Variants in FEM1B observed in about 807,000 individuals in gnomAD.
The protein encoded by FEM1B is protein fem-1 homolog B.
In FEM1B, 10 loss-of-function variants were observed where a neutral mutation model predicts 38.6. The observed-to-expected ratio is 0.26, with a 90% CI of 0.16 to 0.44. The LOEUF (loss-of-function observed/expected upper bound fraction) is 0.44. Ranked by LOEUF, FEM1B falls within the 20% of genes least tolerant of loss-of-function variation. The pLI, the probability that FEM1B is intolerant of heterozygous loss-of-function variation, is 1.00. For synonymous variants in FEM1B, 288 were observed against 288.0 expected, an observed-to-expected ratio of 1.00 and a Z score of 0.00; for missense variants, 471 against 786.7, an observed-to-expected ratio of 0.60 and a Z score of 4.80.
At chr15:68,287,611 A>G (rs1892803540) in intron 1 of FEM1B, among the ~76,000 whole-genome samples, 1 of 152,178 alleles carries the variant, frequency 6.6e-6, no homozygotes, top group Non-Finnish European at 1.5e-5. Flanking sequence ...TGATATTTAT[A>G]TGTCTTAGTC....
rs1892682920 is a variant in FEM1B at position 68,278,207 on chromosome 15, T to A, written c.-211T>A. ...TGACCGCCTTCCTCCCTGCGCGGGC[T>A]GGGTCGCGGACGTGCCCTTCGCGGC... On this transcript the variant is annotated 5_prime_UTR_variant, in exon 1 of 2. Coordinates refer to ENST00000306917, the MANE Select transcript of FEM1B (RefSeq NM_015322.5). The surrounding 1 kb of genome is among the most constrained non-coding windows in gnomAD (Gnocchi z 5.7). 1.6e-6 allele frequency: 1 copy of A among 614,976 alleles called. No homozygotes were observed. Among genetic ancestry groups the A allele is most frequent in the South Asian group, 2.1e-5 (1 of 47,322 alleles). The allele number at this position is 614,976 out of a possible 1,614,324, so 38.1% of individuals were successfully genotyped here.
Position 68,291,467 on chromosome 15 carries a change from A to C in FEM1B, c.*225A>C, listed in dbSNP as rs568646077. On this transcript the variant is annotated 3_prime_UTR_variant, in exon 2 of 2. Coordinates refer to ENST00000306917, the MANE Select transcript of FEM1B (RefSeq NM_015322.5). This position sits in a 1 kb window ranked among gnomAD's most constrained non-coding sequence, Gnocchi z 6.9. ...TTTGGTGTAACTATAAGGTATTTGC[A>C]TATTGGTTACCTATTTGTCTTTCTT... The C allele has an allele frequency of 2.2e-6, 1 of 452,646 alleles. No individual in the cohort carries two copies. The highest frequency in any genetic ancestry group is 3.8e-5 in the Admixed American group (1 of 26,018). The allele number at this position is 452,646 out of a possible 1,614,324, so 28.0% of individuals were successfully genotyped here. A position where few individuals can be genotyped will look rare whatever the true frequency, so the allele number is the denominator to read the frequency against.
chr15:68,278,446 A>G lies in FEM1B; in HGVS notation c.29A>G (p.Lys10Arg). 6.2e-7 allele frequency: 1 copy of G among 1,613,180 alleles called. No individual in the cohort carries two copies. The highest frequency in any genetic ancestry group is 8.5e-7 in the Non-Finnish European group (1 of 1,179,970). The part of the protein sequence containing the change: MEGLAGYVY[K>R]AASEGKVLTL... ...GAGGGCCTGGCTGGCTATGTATACA[A>G]GGCGGCCAGCGAGGGCAAGGTGCTG... is the stretch of plus-strand genomic sequence containing the variant. The change falls in exon 1 of 2, where the codon AAG becomes AGG. Residue 10 changes from lysine (K) to arginine (R), a missense_variant. Lys to Arg is a conservative substitution (Grantham distance 26). Around this residue, in one of 3 missense-constraint regions of FEM1B, gnomAD observed 91 missense variants for 169.6 expected, o/e 0.54. Transcript: ENST00000306917. The surrounding 1 kb of genome is among the most constrained non-coding windows in gnomAD (Gnocchi z 5.7).
rs1224006327 is a variant in FEM1B, at chr15:68,281,551, A to C, written c.248+2886A>C. Reference sequence around the variant, plus strand: ...ATAATACCTTAGGAAACTAAAGTGGATTCATGATAGAGCCTCGAGGGGAAA... The same window carrying C: ...ATAATACCTTAGGAAACTAAAGTGGCTTCATGATAGAGCCTCGAGGGGAAA... On this transcript the variant is annotated intron_variant, in intron 1 of 1. Transcript: ENST00000306917. The surrounding 1 kb of genome is among the most constrained non-coding windows in gnomAD (Gnocchi z 5.1). Among the ~76,000 whole-genome samples the C allele has an allele frequency of 6.6e-6, 1 of 152,208 alleles. No individual in the cohort carries two copies. The highest frequency in any genetic ancestry group is 1.5e-5 in the Non-Finnish European group (1 of 68,042).
At position 68,293,624 on chromosome 15, in the gene FEM1B, T is replaced by C. The variant is rs1306123728; in HGVS notation, c.*2382T>C. ...ATTTTTTGTTTGTTTAGTATAGTGGTAAATTGTGTAGTATCTTGCTGAGAA... is the reference window on the plus strand; with the variant it reads ...ATTTTTTGTTTGTTTAGTATAGTGGCAAATTGTGTAGTATCTTGCTGAGAA... On this transcript the variant is annotated 3_prime_UTR_variant, in exon 2 of 2. Transcript: ENST00000306917. The surrounding 1 kb of genome is among the most constrained non-coding windows in gnomAD (Gnocchi z 5.8). 1 of 152,208 alleles carries C rather than the reference T, an allele frequency of 6.6e-6. No homozygotes were observed. Among genetic ancestry groups the C allele is most frequent in the East Asian group, 1.9e-4 (1 of 5,206 alleles). The allele number at this position is 152,208 out of a possible 1,614,324, so 9.4% of individuals were successfully genotyped here.
rs1175210445 is a variant in FEM1B, at chr15:68,288,063, C to G, written c.249-1544C>G. 6.6e-6 allele frequency among the ~76,000 whole-genome samples: 1 copy of G among 152,010 alleles called. No individual in the cohort carries two copies. Among genetic ancestry groups the G allele is most frequent in the Non-Finnish European group, 1.5e-5 (1 of 68,016 alleles). On this transcript the variant is annotated intron_variant, in intron 1 of 1. Transcript: ENST00000306917. The surrounding 1 kb of genome is among the most constrained non-coding windows in gnomAD (Gnocchi z 4.6). Reference sequence around the variant, plus strand: ...CAGGCTCGTCTTGAACTCCTGACCTCAAGTGATCTGCCCACTTCAGCCTCC... The same window carrying G: ...CAGGCTCGTCTTGAACTCCTGACCTGAAGTGATCTGCCCACTTCAGCCTCC...
chr15:68,295,856 A>G lies in FEM1B; in HGVS notation c.*4614A>G, dbSNP rs1427839388. 1.3e-5 allele frequency: 2 copies of G among 152,312 alleles called. No individual in the cohort carries two copies. Among genetic ancestry groups the G allele is most frequent in the Non-Finnish European group, 2.9e-5 (2 of 68,030 alleles). The allele number at this position is 152,312 out of a possible 1,614,324, so 9.4% of individuals were successfully genotyped here. ...GGTGTTTGTGTTCAGTAAATGTTTG[A>G]AAAAAACTACTTTGAGGTTTGTGTC... On this transcript the variant is annotated 3_prime_UTR_variant, in exon 2 of 2. Coordinates refer to ENST00000306917, the MANE Select transcript of FEM1B (RefSeq NM_015322.5).
At chr15:68,283,502 TAAAAAAAAAAAAAAAA>T (rs60432847) in intron 1 of FEM1B, among the ~76,000 whole-genome samples, 3 of 71,966 alleles carry the variant, frequency 4.2e-5, no homozygotes, top group African/African-American at 6.5e-5. Context: ...CATCTCTACC[TAAAAAAAAAAAAAAAA>T]AAAAAAAAAA....
chr15:68,282,740 AATTTT>A (rs1408653065), intron 1 of FEM1B, among the ~76,000 whole-genome samples: 1 of 152,152 alleles, frequency 6.6e-6, no homozygotes, highest in Non-Finnish European at 1.5e-5. Flanking sequence ...ATACTGCATT[AATTTT>A]ATTTTATCTT....
Position 68,295,208 on chromosome 15 carries a change from T to C in FEM1B, c.*3966T>C, listed in dbSNP as rs951411597. 4 of 152,054 alleles carry C rather than the reference T, an allele frequency of 2.6e-5. No individual in the cohort carries two copies. Among genetic ancestry groups the C allele is most frequent in the African/African-American group, 4.8e-5 (2 of 41,406 alleles). 9.4% of individuals were successfully genotyped at this position (152,054 alleles called of 1,614,324 possible). On this transcript the variant is annotated 3_prime_UTR_variant, in exon 2 of 2. Coordinates refer to ENST00000306917, the MANE Select transcript of FEM1B (RefSeq NM_015322.5). ...TGACTTGATGGTTATGGGGAGTGTA[T>C]CTTGATGTGTGTATAGGGGTAAGTA...
At chr15:68,286,098 A>C (rs1049573848) in intron 1 of FEM1B, among the ~76,000 whole-genome samples, 2 of 151,868 alleles carry the variant, frequency 1.3e-5, no homozygotes, top group Admixed American at 6.6e-5. Flanking sequence ...ATTATTTTCC[A>C]TATAGATTAT....
At chr15:68,283,006 A>G (rs1222484759) in intron 1 of FEM1B, among the ~76,000 whole-genome samples, 1 of 152,192 alleles carries the variant, frequency 6.6e-6, no homozygotes, top group Non-Finnish European at 1.5e-5. Flanking sequence ...AATTGCCTCA[A>G]TAGAAATAGG....
In FEM1B at chr15:68,289,603, G is replaced by A. The variant is rs777899121; in HGVS notation, c.249-4G>A. 1.2e-6 allele frequency: 2 copies of A among 1,611,442 alleles called. No individual in the cohort carries two copies. The highest frequency in any genetic ancestry group is 2.2e-5 in the East Asian group (1 of 44,874). ...ATCTAACTGCTTATTCTTTTCATGT[G>A]TAGGTATGTCATTGATGGTGCCACT... is the stretch of plus-strand genomic sequence containing the variant. On this transcript the variant is annotated splice_region_variant and splice_polypyrimidine_tract_variant and intron_variant, in intron 1 of 1. Transcript: ENST00000306917. This position sits in a 1 kb window ranked among gnomAD's most constrained non-coding sequence, Gnocchi z 6.9.
chr15:68,289,763 C>T lies in FEM1B; in HGVS notation c.405C>T (p.Asp135=), dbSNP rs1335323639. ...LRAACFDGRL[D]IVKYLVENNA... ...CAGCATGCTTTGATGGCAGACTGGA[C>T]ATTGTGAAATACTTGGTTGAAAATA... Residue 135 remains aspartate (D), a synonymous_variant, in exon 2 of 2, where the codon GAC becomes GAT. Coordinates refer to ENST00000306917, the MANE Select transcript of FEM1B (RefSeq NM_015322.5). This position sits in a 1 kb window ranked among gnomAD's most constrained non-coding sequence, Gnocchi z 6.9. 1.2e-6 allele frequency: 2 copies of T among 1,614,176 alleles called. No homozygotes were observed. The highest frequency in any genetic ancestry group is 1.6e-4 in the Middle Eastern group (1 of 6,062).
chr15:68,292,507 A>T lies in FEM1B; in HGVS notation c.*1265A>T, dbSNP rs1329622281. 1 of 152,146 alleles carries T rather than the reference A, an allele frequency of 6.6e-6. No homozygotes were observed. Among genetic ancestry groups the T allele is most frequent in the Non-Finnish European group, 1.5e-5 (1 of 68,000 alleles). The allele number at this position is 152,146 out of a possible 1,614,324, so 9.4% of individuals were successfully genotyped here. A position where few individuals can be genotyped will look rare whatever the true frequency, so the allele number is the denominator to read the frequency against. On this transcript the variant is annotated 3_prime_UTR_variant, in exon 2 of 2. Coordinates refer to ENST00000306917, the MANE Select transcript of FEM1B (RefSeq NM_015322.5). ...CATTACAGAAATTCAAGTGAAAGTT[A>T]TATGCTTATTTCTATTGATGTTAAA...
At position 68,295,355 on chromosome 15, in the gene FEM1B, T is replaced by C. The variant is rs868236307; in HGVS notation, c.*4113T>C. ...TGAAATGAACAAGATTTTGTATCTA[T>C]TTTTTATCAGGTGTTGTAAAATTTG... On this transcript the variant is annotated 3_prime_UTR_variant, in exon 2 of 2. Coordinates refer to ENST00000306917, the MANE Select transcript of FEM1B (RefSeq NM_015322.5). 1.3e-5 allele frequency: 2 copies of C among 152,338 alleles called. No individual in the cohort carries two copies. The highest frequency in any genetic ancestry group is 2.1e-4 in the South Asian group (1 of 4,828). 9.4% of individuals were successfully genotyped at this position (152,338 alleles called of 1,614,324 possible).
At position 68,277,800 on chromosome 15, in the gene FEM1B, C is replaced by A. The variant is rs1208125288; in HGVS notation, c.-618C>A. ...GTCTTCCTCCCCGCCCAAGTTCCGGCGCCGCTCTTGCGGGAGCGTTCCGCA... is the reference window on the plus strand; with the variant it reads ...GTCTTCCTCCCCGCCCAAGTTCCGGAGCCGCTCTTGCGGGAGCGTTCCGCA... On this transcript the variant is annotated 5_prime_UTR_variant, in exon 1 of 2. Transcript: ENST00000306917. 2 of 152,332 alleles carry A rather than the reference C, an allele frequency of 1.3e-5. No individual in the cohort carries two copies. The highest frequency in any genetic ancestry group is 6.5e-5 in the Admixed American group (1 of 15,292). The allele number at this position is 152,332 out of a possible 1,614,324, so 9.4% of individuals were successfully genotyped here. A position where few individuals can be genotyped will look rare whatever the true frequency, so the allele number is the denominator to read the frequency against.
At position 68,295,097 on chromosome 15, in the gene FEM1B, A is replaced by C. The variant is rs929136304; in HGVS notation, c.*3855A>C. The C allele has an allele frequency of 1.3e-5, 2 of 152,154 alleles. No individual in the cohort carries two copies. The highest frequency in any genetic ancestry group is 4.8e-5 in the African/African-American group (2 of 41,422). The allele number at this position is 152,154 out of a possible 1,614,324, so 9.4% of individuals were successfully genotyped here. ...AAATACTACACTATTGATAGTGGAG[A>C]TATATTAATTTTTAAAACTGTAAAG... On this transcript the variant is annotated 3_prime_UTR_variant, in exon 2 of 2. Transcript: ENST00000306917.
intron 1 of FEM1B, among the ~76,000 whole-genome samples, chr15:68,285,857 T>G (rs1892778697): frequency 6.6e-6 from 1 of 152,054 alleles, no homozygotes; most frequent in African/African-American, 2.4e-5. Context: ...TTTATAATGT[T>G]TTTTGATGAA....
Sources: allele counts gnomAD v4.1 joint callset (sites outside exome capture counted in the v4.1 genomes callset), GRCh38; gene constraint gnomAD v4.1.1; regional missense constraint gnomAD v4.1.1; non-coding constraint Gnocchi (gnomAD v3.1); transcripts MANE v1.5; gene names NCBI Gene and HGNC (gene_info 2026-07-23, HGNC 2026-07-21).